Variants in SGCD observed in about 807,000 individuals in gnomAD.
The protein encoded by SGCD is delta-sarcoglycan.
In SGCD, 18 loss-of-function variants were observed where a neutral mutation model predicts 36.6. The ratio of observed to expected loss-of-function variants is 0.49; its 90% CI spans 0.34 to 0.73. The LOEUF (loss-of-function observed/expected upper bound fraction) is 0.73. Ranked by LOEUF, SGCD falls within the 30% of genes least tolerant of loss-of-function variation. The pLI is 0.01. For synonymous variants in SGCD, 133 were observed against 130.6 expected, an observed-to-expected ratio of 1.02 and a Z score of -0.12; for missense variants, 387 against 346.7, an observed-to-expected ratio of 1.12 and a Z score of -0.92.
In SGCD at chr5:155,997,646, A is replaced by G. The variant is rs1161776402; in HGVS notation, c.-281-120232A>G. 4.6e-5 allele frequency among the ~76,000 whole-genome samples: 7 copies of G among 152,270 alleles called. No individual in the cohort carries two copies. In the East Asian group the frequency reaches 1.2e-3, roughly 25 times the overall value. On this transcript the variant is annotated intron_variant, in intron 1 of 9. Transcript: ENST00000517913. ...TTCTTCCAGCCCCACAGGCAATTGTATACATTTCACAGAGAAGTCTGAACA... is the reference window on the plus strand; with the variant it reads ...TTCTTCCAGCCCCACAGGCAATTGTGTACATTTCACAGAGAAGTCTGAACA...
At chr5:156,101,902 C>CTGTGTGTG (rs36187985) in intron 1 of SGCD, among the ~76,000 whole-genome samples, 3,240 of 107,270 alleles carry the variant, frequency 0.03, 43 homozygotes, top group African/African-American at 0.041. Context: ...GTGTCTCCAG[C>CTGTGTGTG]TGTGTGTGTG....
chr5:156,602,187 G>A (rs559758368), intron 6 of SGCD, among the ~76,000 whole-genome samples: 43 of 152,060 alleles, frequency 2.8e-4, no homozygotes, highest in African/African-American at 9.4e-4. Context: ...TTATTCATAG[G>A]TATCTTATTT....
chr5:155,913,986 A>C (rs1248570001), intron 1 of SGCD, among the ~76,000 whole-genome samples: 1 of 152,212 alleles, frequency 6.6e-6, no homozygotes, highest in Non-Finnish European at 1.5e-5. Context: ...TGAGCATAAA[A>C]CACATAAAAT....
intron 4 of SGCD, among the ~76,000 whole-genome samples, chr5:156,512,155 C>T (rs1756961052): frequency 7.3e-6 from 1 of 137,150 alleles, no homozygotes; most frequent in Non-Finnish European, 1.5e-5. Context: ...GATCGTGCCA[C>T]TGCACTCTAG....
At chr5:156,485,235 T>G (rs1755605704) in intron 3 of SGCD, among the ~76,000 whole-genome samples, 1 of 152,208 alleles carries the variant, frequency 6.6e-6, no homozygotes, top group African/African-American at 2.4e-5. Flanking sequence ...AAGGGAGGCT[T>G]CCTGCTTGTT....
At chr5:156,090,250 G>A (rs1761207949) in intron 1 of SGCD, among the ~76,000 whole-genome samples, 2 of 152,126 alleles carry the variant, frequency 1.3e-5, no homozygotes, top group African/African-American at 2.4e-5. Context: ...ATGGCTCTGT[G>A]AGCATACACT....
chr5:155,824,174 A>T, the SGCD span, among the ~76,000 whole-genome samples: 1 of 152,350 alleles, frequency 6.6e-6, no homozygotes. Flanking sequence ...ATAATGAATT[A>T]TGTGAGGATT....
At chr5:156,271,726 G>C (rs1221370143) in intron 3 of SGCD, among the ~76,000 whole-genome samples, 1 of 152,072 alleles carries the variant, frequency 6.6e-6, no homozygotes, top group Non-Finnish European at 1.5e-5. Flanking sequence ...CATGATCCAA[G>C]GGACATGTCC....
At position 156,437,917 on chromosome 5, in the gene SGCD, A is replaced by G. The variant is rs376143463; in HGVS notation, c.193-70684A>G. On this transcript the variant is annotated intron_variant, in intron 3 of 8. Coordinates refer to ENST00000337851, the MANE Select transcript of SGCD (RefSeq NM_000337.6). ...TGAGCATTTCAGATCATTTCCAGAT[A>G]CACATTTTCTAGGTTTGATGCAGAG... Among the ~76,000 whole-genome samples, 52 of 152,318 alleles carry G rather than the reference A, an allele frequency of 3.4e-4. No individual in the cohort carries two copies. The South Asian group carries it at 0.011, about 31-fold the overall frequency.
At chr5:156,028,273 T>C (rs1175211005) in intron 1 of SGCD, among the ~76,000 whole-genome samples, 1 of 152,194 alleles carries the variant, frequency 6.6e-6, no homozygotes, top group African/African-American at 2.4e-5. Flanking sequence ...TGAACATGAC[T>C]CTATGATTCT....
chr5:155,867,858 T>G (rs1158092369), upstream of SGCD, among the ~76,000 whole-genome samples: 1 of 152,286 alleles, frequency 6.6e-6, no homozygotes, highest in Admixed American at 6.5e-5. Flanking sequence ...AAAAGATGAC[T>G]TAGAAACATT....
intron 4 of SGCD, among the ~76,000 whole-genome samples, chr5:156,550,584 G>A (rs1581155827): frequency 6.6e-6 from 1 of 152,190 alleles, no homozygotes; most frequent in Non-Finnish European, 1.5e-5. Context: ...AGCTTCTGAA[G>A]TCAGCGAAGG....
At chr5:156,356,036 A>G (rs749878648) in intron 3 of SGCD, among the ~76,000 whole-genome samples, 3 of 152,220 alleles carry the variant, frequency 2.0e-5, no homozygotes, top group Admixed American at 6.5e-5. Flanking sequence ...CAAAGATCCA[A>G]TATATTAAGT....
At chr5:155,777,369 T>G in the SGCD span, among the ~76,000 whole-genome samples, 2,020 of 151,906 alleles carry the variant, frequency 0.013, 57 homozygotes, top group African/African-American at 0.045. Flanking sequence ...TGTTTTTTTT[T>G]TTTTTTAGAC....
At chr5:155,995,210 T>C (rs577587732) in intron 1 of SGCD, among the ~76,000 whole-genome samples, 1 of 152,012 alleles carries the variant, frequency 6.6e-6, no homozygotes, top group African/African-American at 2.4e-5. Context: ...TGCCCCCTTA[T>C]CTCTACAAGA....
the SGCD span, among the ~76,000 whole-genome samples, chr5:155,857,451 CA>C: frequency 1.3e-5 from 2 of 152,002 alleles, no homozygotes. Context: ...TACTAAGCAG[CA>C]ATGAAAGGAG....
chr5:156,101,338 A>G (rs1194993744), intron 1 of SGCD, among the ~76,000 whole-genome samples: 3 of 152,136 alleles, frequency 2.0e-5, no homozygotes, highest in Non-Finnish European at 2.9e-5. Context: ...ACAGATTGAA[A>G]CCTATTTGGG....
At chr5:156,142,034 G>A (rs913850422) in intron 3 of SGCD, among the ~76,000 whole-genome samples, 4 of 152,148 alleles carry the variant, frequency 2.6e-5, no homozygotes, top group Non-Finnish European at 5.9e-5. Flanking sequence ...GGCCTGGTGG[G>A]AGATGATTGA....
intron 7 of SGCD, among the ~76,000 whole-genome samples, chr5:156,677,521 A>C (rs992938958): frequency 1.3e-5 from 2 of 151,918 alleles, no homozygotes; most frequent in African/African-American, 4.8e-5. Flanking sequence ...GGGGAACATC[A>C]CATACCAGGG....
Sources: gnomAD v4.1 joint callset for allele counts (sites outside exome capture counted in the v4.1 genomes callset) on GRCh38, gnomAD v4.1.1 for gene constraint, MANE v1.5 for transcripts, NCBI Gene and HGNC (gene_info 2026-07-23, HGNC 2026-07-21) for gene names.